Variants in COL21A1 observed in about 807,000 individuals in gnomAD.
COL21A1 encodes the protein collagen type XXI alpha 1 chain.
Under a neutral mutation model 137.9 loss-of-function variants are expected in COL21A1, and 149 were observed. That is an observed-to-expected ratio of 1.08 (90% confidence interval 0.95 to 1.24). The LOEUF is 1.24. COL21A1 is among the 50% of genes most tolerant of loss of function. COL21A1 has a pLI of 0.00. For missense variants in COL21A1, 1,167 were observed against 1,158.4 expected (o/e 1.01, Z -0.11); for synonymous variants, 456 against 391.5 (o/e 1.16, Z -1.95).
At chr6:56,118,720 T>G (rs1268909791) in intron 16 of COL21A1, among the ~76,000 whole-genome samples, 1 of 151,960 alleles carries the variant, frequency 6.6e-6, no homozygotes, top group Non-Finnish European at 1.5e-5. Flanking sequence ...ATTAGAAAGA[T>G]CATTCATCAC....
intron 8 of COL21A1, 56 bp downstream of exon 8, chr6:56,164,758 A>G: frequency 7.1e-7 from 1 of 1,410,036 alleles, no homozygotes; most frequent in Non-Finnish European, 9.7e-7. Flanking sequence ...GAAAAGAGCT[A>G]AGTGGTCCCA....
chr6:56,301,912 T>TCCCCTTCCTGCGTCCCAC (rs1764304521), intron 1 of COL21A1, among the ~76,000 whole-genome samples: 1 of 151,368 alleles, frequency 6.6e-6, no homozygotes, highest in Non-Finnish European at 1.5e-5. Flanking sequence ...CTGTGTCCCA[T>TCCCCTTCCTGCGTCCCAC]GCTCCCCTTC....
At chr6:56,342,431 A>C (rs1463478900) in intron 1 of COL21A1, among the ~76,000 whole-genome samples, 1 of 152,242 alleles carries the variant, frequency 6.6e-6, no homozygotes, top group East Asian at 1.9e-4. Flanking sequence ...CCTGAGGATG[A>C]AACTTAGCCA....
chr6:56,376,558 T>C (rs532452958), intron 1 of COL21A1, among the ~76,000 whole-genome samples: 48 of 152,210 alleles, frequency 3.2e-4, no homozygotes, highest in African/African-American at 1.1e-3. Context: ...CTCTAGCAAG[T>C]TGAACTTGGA....
intron 1 of COL21A1, among the ~76,000 whole-genome samples, chr6:56,335,439 C>T (rs1765314078): frequency 1.3e-5 from 2 of 152,156 alleles, no homozygotes; most frequent in East Asian, 3.8e-4. Context: ...CTGTAACAAT[C>T]GGCCCGAAAT....
At chr6:56,286,991 T>C (rs1402985737) in intron 1 of COL21A1, among the ~76,000 whole-genome samples, 3 of 152,232 alleles carry the variant, frequency 2.0e-5, no homozygotes, top group Admixed American at 6.5e-5. Context: ...GACTTTAATC[T>C]TTCATTTATC....
intron 1 of COL21A1, among the ~76,000 whole-genome samples, chr6:56,284,643 C>A (rs1232969767): frequency 1.3e-5 from 2 of 152,110 alleles, no homozygotes; most frequent in African/African-American, 4.8e-5. Flanking sequence ...CATTCTAAGA[C>A]ACAAATTTTA....
intron 10 of COL21A1, among the ~76,000 whole-genome samples, chr6:56,150,848 AT>A (rs1749345548): frequency 6.6e-6 from 1 of 152,188 alleles, no homozygotes; most frequent in Non-Finnish European, 1.5e-5. Context: ...AAAGCAGCCT[AT>A]GCTCAGCAAA....
At position 56,075,509 on chromosome 6, in the gene COL21A1, C is replaced by A; in HGVS notation, c.1881G>T (p.Gln627His). The A allele has an allele frequency of 6.5e-7, 1 of 1,534,144 alleles. No individual in the cohort carries two copies. Among genetic ancestry groups the A allele is most frequent in the Non-Finnish European group, 8.8e-7 (1 of 1,140,440 alleles). ...TCCCTGGGGCTCCTTTTTTTCCTTG[C>A]TGTCCTGGAGGCCCAATTTCTCCCT... ...GQKGEIGPPGQQGKKGAPGMP... is the reference protein window; with the variant it reads ...GQKGEIGPPGHQGKKGAPGMP... The change falls in exon 19 of 30, where the codon CAG becomes CAT. Residue 627 changes from glutamine to histidine, a missense_variant. Gln to His is a conservative substitution (Grantham distance 24, BLOSUM62 0). Transcript: ENST00000244728.
At chr6:56,258,214 C>T (rs1763162372) in intron 1 of COL21A1, among the ~76,000 whole-genome samples, 1 of 152,026 alleles carries the variant, frequency 6.6e-6, no homozygotes, top group South Asian at 2.1e-4. Flanking sequence ...TTAAACAACA[C>T]CATTTTTTTA....
At chr6:56,064,721 C>A in intron 23 of COL21A1, 99 bp from the exon 24 acceptor site, 2 of 648,608 alleles carry the variant, frequency 3.1e-6, no homozygotes, top group Non-Finnish European at 4.9e-6. Flanking sequence ...CCAGAAGAAA[C>A]GTAACAAAAG....
intron 1 of COL21A1, among the ~76,000 whole-genome samples, chr6:56,185,933 T>G (rs138941648): frequency 4.6e-4 from 70 of 151,880 alleles, no homozygotes; most frequent in African/African-American, 1.6e-3. Flanking sequence ...TGGAATTAAA[T>G]GAAAATAAAG....
At chr6:56,162,092 G>C (rs993714928) in intron 9 of COL21A1, among the ~76,000 whole-genome samples, 1 of 152,062 alleles carries the variant, frequency 6.6e-6, no homozygotes, top group African/African-American at 2.4e-5. Flanking sequence ...TTTTAATTCA[G>C]GTTCTGTTGA....
At chr6:56,089,221 C>T (rs901803904) in intron 17 of COL21A1, among the ~76,000 whole-genome samples, 35 of 152,118 alleles carry the variant, frequency 2.3e-4, no homozygotes, top group African/African-American at 8.0e-4. Flanking sequence ...CAGGAGGTGG[C>T]TATGAAATTA....
intron 1 of COL21A1, among the ~76,000 whole-genome samples, chr6:56,345,935 C>A (rs12199257): frequency 0.16 from 24,884 of 152,140 alleles, 2,179 homozygotes; most frequent in Non-Finnish European, 0.18. Context: ...TTAAGCATCA[C>A]GTATATTTCT....
At chr6:56,371,492 C>A (rs2093988383) in intron 1 of COL21A1, among the ~76,000 whole-genome samples, 1 of 152,146 alleles carries the variant, frequency 6.6e-6, no homozygotes, top group African/African-American at 2.4e-5. Context: ...GGCCTTCAAC[C>A]CAAGTTCCCC....
chr6:56,064,004 C>T (rs996675495), intron 24 of COL21A1, among the ~76,000 whole-genome samples: 2 of 152,118 alleles, frequency 1.3e-5, no homozygotes, highest in African/African-American at 4.8e-5. Flanking sequence ...ACTGAACTTA[C>T]AGTCACATGG....
intron 1 of COL21A1, among the ~76,000 whole-genome samples, chr6:56,331,634 T>C (rs1447825431): frequency 6.6e-6 from 1 of 152,110 alleles, no homozygotes; most frequent in Non-Finnish European, 1.5e-5. Flanking sequence ...CCCATTTATC[T>C]ATGTGTCTAT....
At position 56,129,697 on chromosome 6, in the gene COL21A1, T is replaced by A. The variant is rs149080787; in HGVS notation, c.1543-3548A>T. ...GTGCGTGTGTGTGTGTGTGTGTGTG[T>A]GTGAGAGAGAGAGAGAGAGAGAGAG... On this transcript the variant is annotated intron_variant, in intron 12 of 29. Transcript: ENST00000244728. 3.1e-4 allele frequency among the ~76,000 whole-genome samples: 20 copies of A among 64,976 alleles called. No individual in the cohort carries two copies. The East Asian group carries it at 7.5e-3, about 24-fold the overall frequency. The allele number at this position is 64,976 out of a possible 152,430, so 42.6% of individuals were successfully genotyped here.
Sources: gnomAD v4.1 joint callset for allele counts (sites outside exome capture counted in the v4.1 genomes callset) on GRCh38, gnomAD v4.1.1 for gene constraint, MANE v1.5 for transcripts, NCBI Gene and HGNC (gene_info 2026-07-23, HGNC 2026-07-21) for gene names.